The following AP1AR variants were observed in gnomAD, a reference collection of about 807,000 sequenced individuals.
AP1AR encodes the protein AP-1 complex-associated regulatory protein.
In AP1AR, 29 loss-of-function variants were observed where a neutral mutation model predicts 46.3. That is an observed-to-expected ratio of 0.63 (90% CI 0.47 to 0.85). The LOEUF is 0.85. Among genes scored for constraint, AP1AR ranks in the 40% least tolerant of loss-of-function variants. The probability of loss-of-function intolerance (pLI) is 0.00; values close to 1 mark genes in which losing one functional copy is unlikely to be tolerated. For missense variants in AP1AR, 357 were observed against 356.3 expected, an observed-to-expected ratio of 1.00 and a Z score of -0.02; for synonymous variants, 122 against 122.9, an observed-to-expected ratio of 0.99 and a Z score of 0.05.
chr4:112,244,208 T>C (rs1482174653), intron 1 of AP1AR, among the ~76,000 whole-genome samples: 3 of 152,206 alleles, frequency 2.0e-5, no homozygotes, highest in Non-Finnish European at 4.4e-5. Flanking sequence ...GCTTAAGATG[T>C]CCTCTGCCTA....
chr4:112,248,470 G>A (rs1239555401), intron 1 of AP1AR, among the ~76,000 whole-genome samples: 1 of 152,088 alleles, frequency 6.6e-6, no homozygotes, highest in Non-Finnish European at 1.5e-5. Context: ...ATTGAGGTAA[G>A]GGTAAGATAA....
chr4:112,256,893 T>C (rs1726222548), intron 3 of AP1AR, among the ~76,000 whole-genome samples: 1 of 152,226 alleles, frequency 6.6e-6, no homozygotes. Flanking sequence ...GTTAGGTTCC[T>C]GCAAGCCTCT....
At chr4:112,240,748 A>G (rs1211473237) in intron 1 of AP1AR, among the ~76,000 whole-genome samples, 1 of 152,132 alleles carries the variant, frequency 6.6e-6, no homozygotes, top group African/African-American at 2.4e-5. Context: ...CTCACAGCAT[A>G]GTAGTTGTTA....
chr4:112,255,223 T>G (rs1726135857), intron 3 of AP1AR, among the ~76,000 whole-genome samples: 1 of 152,166 alleles, frequency 6.6e-6, no homozygotes, highest in African/African-American at 2.4e-5. Flanking sequence ...CCTCCCAAAG[T>G]GCTGGGATTT....
At chr4:112,265,173 G>A in intron 7 of AP1AR, 106 bp downstream of exon 7, 1 of 789,208 alleles carries the variant, frequency 1.3e-6, no homozygotes, top group Non-Finnish European at 1.9e-6. Flanking sequence ...ATGTTTATGT[G>A]TTCCCTAAAA....
chr4:112,246,379 G>C (rs146214244), intron 1 of AP1AR, among the ~76,000 whole-genome samples: 1 of 152,148 alleles, frequency 6.6e-6, no homozygotes, highest in Non-Finnish European at 1.5e-5. Context: ...GGTGGTGCAC[G>C]CCTGTAGGCC....
intron 6 of AP1AR, among the ~76,000 whole-genome samples, chr4:112,264,044 G>T (rs1726566349): frequency 6.6e-6 from 1 of 152,056 alleles, no homozygotes; most frequent in South Asian, 2.1e-4. Flanking sequence ...ATTTCTATGT[G>T]AACTGTGTCC....
Position 112,263,078 on chromosome 4 carries a change from C to T in AP1AR, c.373C>T (p.Leu125Phe). ...AGCCAGGGCAGCAAAGCAGCGAAAGCTCTTGGAGGTGAGGGGAAAAGACCC... is the reference window on the plus strand; with the variant it reads ...AGCCAGGGCAGCAAAGCAGCGAAAGTTCTTGGAGGTGAGGGGAAAAGACCC... ...EAARAAKQRK[L>F]LEQERQRIVQ... The change falls in exon 6 of 10, where the codon CTC becomes TTC. Residue 125 changes from leucine to phenylalanine, a missense_variant. This residue lies in a region of AP1AR where 269 missense variants were observed against 223.6 expected (regional missense o/e 1.20). Coordinates refer to ENST00000274000, the MANE Select transcript of AP1AR (RefSeq NM_018569.6). 6.2e-7 allele frequency: 1 copy of T among 1,612,802 alleles called. No homozygotes were observed. Among genetic ancestry groups the T allele is most frequent in the Non-Finnish European group, 8.5e-7 (1 of 1,179,328 alleles).
chr4:112,265,750 G>T lies in AP1AR; in HGVS notation c.457G>T (p.Asp153Tyr). The T allele has an allele frequency of 1.2e-6, 2 of 1,609,466 alleles. No individual in the cohort carries two copies. Among genetic ancestry groups the T allele is most frequent in the Admixed American group, 1.7e-5 (1 of 59,452 alleles). Residue 153 changes from aspartate to tyrosine, a missense_variant, in exon 8 of 10, where the codon GAC becomes TAC. Physicochemically the swap from Asp to Tyr is radical, Grantham distance 160. Around this residue, in one of 2 missense-constraint regions of AP1AR, gnomAD observed 269 missense variants for 223.6 expected, o/e 1.20. Coordinates refer to ENST00000274000, the MANE Select transcript of AP1AR (RefSeq NM_018569.6). ...GEYQSSGPED[D>Y]FESCLRNMKS... ...TTATTACAGTTCAGGACCAGAAGAT[G>T]ACTTCGAATCTTGTTTGAGAAATAT...
intron 1 of AP1AR, among the ~76,000 whole-genome samples, chr4:112,243,966 A>G (rs191569342): frequency 4.5e-4 from 69 of 152,250 alleles, no homozygotes; most frequent in African/African-American, 1.6e-3. Context: ...TATTTTTTCA[A>G]TCTGTTGATG....
At position 112,270,456 on chromosome 4, in the gene AP1AR, A is replaced by G. The variant is rs894896694; in HGVS notation, c.*2047A>G. 2.6e-5 allele frequency among the ~76,000 whole-genome samples: 4 copies of G among 152,224 alleles called. No individual in the cohort carries two copies. Among genetic ancestry groups the G allele is most frequent in the African/African-American group, 9.6e-5 (4 of 41,456 alleles). On this transcript the variant is annotated 3_prime_UTR_variant, in exon 10 of 10. Transcript: ENST00000274000. ...ATACAAGATTATAGGAGAGAGAGTAACTGGGGGCCAATTGACTACTTCTCA... is the reference window on the plus strand; with the variant it reads ...ATACAAGATTATAGGAGAGAGAGTAGCTGGGGGCCAATTGACTACTTCTCA...
Position 112,273,069 on chromosome 4 carries a change from A to AAACAAC in AP1AR, c.*4669_*4674dup. 1 of 152,272 alleles carries AAACAAC rather than the reference A, an allele frequency of 6.6e-6. No homozygotes were observed. The highest frequency in any genetic ancestry group is 1.9e-4 in the East Asian group (1 of 5,190). 9.4% of individuals were successfully genotyped at this position (152,272 alleles called of 1,614,324 possible). The stretch of plus-strand genomic sequence containing the variant: ...ATTCCACATTGAAATCCTAAATGTA[A>AAACAAC]AACAACAACAACAATAACAATAAAA... On this transcript the variant is annotated 3_prime_UTR_variant, in exon 10 of 10. Transcript: ENST00000274000.
intron 1 of AP1AR, among the ~76,000 whole-genome samples, chr4:112,235,221 C>G (rs1725188960): frequency 6.6e-6 from 1 of 152,182 alleles, no homozygotes; most frequent in Admixed American, 6.5e-5. Flanking sequence ...CTGGTCAGTT[C>G]TCCTGTTTCT....
intron 1 of AP1AR, among the ~76,000 whole-genome samples, chr4:112,240,460 T>A (rs950351230): frequency 2.6e-5 from 4 of 152,378 alleles, no homozygotes; most frequent in African/African-American, 9.6e-5. Context: ...GCTTGTCTGC[T>A]GCTCTCAATA....
chr4:112,264,451 A>G (rs563776012), intron 6 of AP1AR, among the ~76,000 whole-genome samples: 14 of 152,314 alleles, frequency 9.2e-5, no homozygotes, highest in African/African-American at 1.7e-4. Context: ...GAGCAGTAAT[A>G]TAGCTATCTG....
At chr4:112,257,227 A>G (rs1726236525) in intron 3 of AP1AR, among the ~76,000 whole-genome samples, 1 of 152,208 alleles carries the variant, frequency 6.6e-6, no homozygotes, top group South Asian at 2.1e-4. Context: ...GAGCTGAAAC[A>G]AGAAAGCGGA....
chr4:112,247,725 C>T (rs1725783284), intron 1 of AP1AR, among the ~76,000 whole-genome samples: 1 of 152,208 alleles, frequency 6.6e-6, no homozygotes, highest in South Asian at 2.1e-4. Context: ...TAATTGACCT[C>T]TTAAAACATA....
intron 1 of AP1AR, among the ~76,000 whole-genome samples, chr4:112,240,054 T>C (rs1019942256): frequency 1.3e-5 from 2 of 152,240 alleles, no homozygotes; most frequent in Non-Finnish European, 2.9e-5. Flanking sequence ...AATAGATCTT[T>C]TGCCTTTTAA....
chr4:112,239,983 G>A (rs1725417000), intron 1 of AP1AR, among the ~76,000 whole-genome samples: 1 of 152,196 alleles, frequency 6.6e-6, no homozygotes, highest in Non-Finnish European at 1.5e-5. Context: ...AATTTATCCT[G>A]CACCCTGGAA....
Sources: gnomAD v4.1 joint callset for allele counts (sites outside exome capture counted in the v4.1 genomes callset) on GRCh38, gnomAD v4.1.1 for gene constraint, gnomAD v4.1.1 regional missense constraint, MANE v1.5 for transcripts, NCBI Gene and HGNC (gene_info 2026-07-23, HGNC 2026-07-21) for gene names.